RGS5: variants seen among roughly 807,000 people sequenced by gnomAD.
The protein encoded by RGS5 is regulator of G protein signaling 5, also known as regulator of G-protein signalling 5.
RGS5 carries 20 observed loss-of-function variants against 18.9 expected under a neutral mutation model. That is an observed-to-expected ratio of 1.06 (90% CI 0.74 to 1.54). The LOEUF is 1.54. RGS5 is among the 40% of genes most tolerant of loss of function. The pLI, the probability that RGS5 is intolerant of heterozygous loss-of-function variation, is 0.00. For missense variants in RGS5, 201 were observed against 211.8 expected, an observed-to-expected ratio of 0.95 and a Z score of 0.32; for synonymous variants, 57 against 76.2, an observed-to-expected ratio of 0.75 and a Z score of 1.31.
intron 1 of RGS5, among the ~76,000 whole-genome samples, chr1:163,170,729 C>T (rs1658262201): frequency 6.6e-6 from 1 of 152,092 alleles, no homozygotes; most frequent in Non-Finnish European, 1.5e-5. Flanking sequence ...GTTCTGCTTT[C>T]ACTCTTTCCC....
chr1:163,243,394 T>A (rs1647842304), intron 2 of RGS5, among the ~76,000 whole-genome samples: 1 of 151,978 alleles, frequency 6.6e-6, no homozygotes, highest in South Asian at 2.1e-4. Flanking sequence ...ACATCTGTAA[T>A]CCCAGCACTC....
At chr1:163,296,587 T>C (rs1649423854) in intron 2 of RGS5, among the ~76,000 whole-genome samples, 1 of 152,194 alleles carries the variant, frequency 6.6e-6, no homozygotes, top group Admixed American at 6.5e-5. Flanking sequence ...CAAAAGATGC[T>C]TTAAGGCAAA....
At chr1:163,222,848 T>C (rs1172077365) in intron 2 of RGS5, among the ~76,000 whole-genome samples, 2 of 152,194 alleles carry the variant, frequency 1.3e-5, no homozygotes, top group East Asian at 1.9e-4. Context: ...GCTGCTTCTC[T>C]ATTTATTTTT....
intron 2 of RGS5, among the ~76,000 whole-genome samples, chr1:163,229,272 C>A (rs1647411536): frequency 6.6e-6 from 1 of 152,122 alleles, no homozygotes; most frequent in Non-Finnish European, 1.5e-5. Context: ...CTTCACAGGG[C>A]AGCAGGGGAG....
chr1:163,258,645 C>CTGTGTGTGTGTG (rs113301415), intron 2 of RGS5, among the ~76,000 whole-genome samples: 2 of 148,290 alleles, frequency 1.3e-5, no homozygotes, highest in African/African-American at 4.9e-5. Context: ...GTAAGTGTGT[C>CTGTGTGTGTGTG]TGTGTGTGTG....
intron 2 of RGS5, among the ~76,000 whole-genome samples, chr1:163,257,212 G>C (rs17358185): frequency 0.15 from 22,250 of 152,024 alleles, 1,952 homozygotes; most frequent in Non-Finnish European, 0.19. Context: ...TATGTACTAG[G>C]GGTGATTTAA....
At position 163,184,386 on chromosome 1, in the gene RGS5, C is replaced by T. The variant is rs895166820; in HGVS notation, c.45-16018G>A. Among the ~76,000 whole-genome samples the T allele has an allele frequency of 7.8e-4, 114 of 146,476 alleles. 2 individuals carry two copies. Among genetic ancestry groups the T allele is most frequent in the African/African-American group, 2.9e-3 (112 of 38,626 alleles). On this transcript the variant is annotated intron_variant, in intron 1 of 4. Coordinates refer to ENST00000313961, the MANE Select transcript of RGS5 (RefSeq NM_003617.4). Reference sequence around the variant, plus strand: ...AGAGAGTGTTAGGAAGCTTTCCTGACCACCCCATCCCTCCAAAAAAAAAAA... The same window carrying T: ...AGAGAGTGTTAGGAAGCTTTCCTGATCACCCCATCCCTCCAAAAAAAAAAA...
At chr1:163,284,645 G>T (rs1288785877) in intron 2 of RGS5, among the ~76,000 whole-genome samples, 1 of 152,048 alleles carries the variant, frequency 6.6e-6, no homozygotes, top group Non-Finnish European at 1.5e-5. Flanking sequence ...TTGCTTTGTA[G>T]GTAACTTTTG....
intron 1 of RGS5, among the ~76,000 whole-genome samples, chr1:163,309,352 A>G (rs1571355463): frequency 6.6e-6 from 1 of 152,244 alleles, no homozygotes; most frequent in South Asian, 2.1e-4. Context: ...CATTGTACCC[A>G]TAGAACTTCT....
intron 1 of RGS5, among the ~76,000 whole-genome samples, chr1:163,208,517 T>TGAAA (rs1660013627): frequency 1.0e-4 from 1 of 9,610 alleles, no homozygotes; most frequent in Non-Finnish European, 2.8e-4. Context: ...TCCACCTCCA[T>TGAAA]TAAAAAAAAA....
At chr1:163,294,378 C>A (rs566785538) in intron 2 of RGS5, among the ~76,000 whole-genome samples, 4 of 152,264 alleles carry the variant, frequency 2.6e-5, no homozygotes, top group Admixed American at 6.5e-5. Flanking sequence ...CTGGGGCTTA[C>A]GCCGTTACGC....
chr1:163,175,099 C>T (rs187367748), intron 1 of RGS5, among the ~76,000 whole-genome samples: 102 of 152,184 alleles, frequency 6.7e-4, no homozygotes, highest in African/African-American at 2.4e-3. Flanking sequence ...TTTCCACGGA[C>T]TAAAAAGAAC....
upstream of RGS5, among the ~76,000 whole-genome samples, chr1:163,217,947 T>G (rs1378399519): frequency 6.6e-6 from 1 of 152,000 alleles, no homozygotes; most frequent in Non-Finnish European, 1.5e-5. Context: ...CATGGAGCCA[T>G]GAGGAACCCA....
chr1:163,173,959 C>A (rs567506394), intron 1 of RGS5, among the ~76,000 whole-genome samples: 38 of 152,230 alleles, frequency 2.5e-4, no homozygotes, highest in Admixed American at 3.9e-4. Flanking sequence ...CACCTGTAAT[C>A]CCAACTACTC....
rs1657079207 is a variant in RGS5 at position 163,145,089 on chromosome 1, T to A, written c.*2253A>T. 6.6e-6 allele frequency: 1 copy of A among 152,188 alleles called. No homozygotes were observed. The highest frequency in any genetic ancestry group is 1.5e-5 in the Non-Finnish European group (1 of 68,044). 9.4% of individuals were successfully genotyped at this position (152,188 alleles called of 1,614,324 possible). Reference sequence around the variant, plus strand: ...ACAGAACTGCTCTCATGGGACCCTGTCCTGCCCTGTAGGTAAAAGCCCTTC... The same window carrying A: ...ACAGAACTGCTCTCATGGGACCCTGACCTGCCCTGTAGGTAAAAGCCCTTC... On this transcript the variant is annotated 3_prime_UTR_variant, in exon 5 of 5. Transcript: ENST00000313961.
In RGS5 at chr1:163,262,907, C is replaced by T. The variant is rs567743934; in HGVS notation, c.-281+43326G>A. Among the ~76,000 whole-genome samples the T allele has an allele frequency of 2.6e-5, 4 of 152,244 alleles. No homozygotes were observed. In the East Asian group the frequency reaches 5.8e-4, roughly 22 times the overall value. Reference sequence around the variant, plus strand: ...GACCCTAGGGATCTCCATGGGCTGGCGATTCCTGCATCTATTTGAGTAGTG... The same window carrying T: ...GACCCTAGGGATCTCCATGGGCTGGTGATTCCTGCATCTATTTGAGTAGTG... On this transcript the variant is annotated intron_variant, in intron 2 of 5. Transcript: ENST00000618415.
chr1:163,154,707 G>T (rs1281905989), intron 3 of RGS5, among the ~76,000 whole-genome samples: 1 of 151,662 alleles, frequency 6.6e-6, no homozygotes, highest in Non-Finnish European at 1.5e-5. Flanking sequence ...TATATTTCCA[G>T]CACTATTTGT....
At position 163,287,666 on chromosome 1, in the gene RGS5, G is replaced by C. The variant is rs1004961558; in HGVS notation, c.-281+18567C>G. ...TTTCTTCTATATGCTTTCTGGATGGGTAAGACATTATGTTTCTCTTTAATA... is the reference window on the plus strand; with the variant it reads ...TTTCTTCTATATGCTTTCTGGATGGCTAAGACATTATGTTTCTCTTTAATA... On this transcript the variant is annotated intron_variant, in intron 2 of 5. Transcript: ENST00000618415. 4.2e-4 allele frequency among the ~76,000 whole-genome samples: 64 copies of C among 152,176 alleles called. 1 individual carries two copies. The highest frequency in any genetic ancestry group is 8.8e-5 in the Non-Finnish European group (6 of 68,028).
chr1:163,188,786 C>G (rs984516974), intron 1 of RGS5, among the ~76,000 whole-genome samples: 1 of 151,868 alleles, frequency 6.6e-6, no homozygotes, highest in African/African-American at 2.4e-5. Flanking sequence ...GGTGAAACCC[C>G]GTCTCTACTA....
Sources: gnomAD v4.1 joint callset for allele counts (sites outside exome capture counted in the v4.1 genomes callset) on GRCh38, gnomAD v4.1.1 for gene constraint, MANE v1.5 for transcripts, NCBI Gene and HGNC (gene_info 2026-07-23, HGNC 2026-07-21) for gene names.